Variants in ULK4 observed in about 807,000 individuals in gnomAD.
ULK4 encodes inactive serine/threonine-protein kinase ULK4.
In ULK4, 133 loss-of-function variants were observed where a neutral mutation model predicts 160.6. That is an observed-to-expected ratio of 0.83 (90% CI 0.72 to 0.96). The LOEUF (loss-of-function observed/expected upper bound fraction) is 0.96. Ranked by LOEUF, ULK4 falls within the 40% of genes least tolerant of loss-of-function variation. The probability of loss-of-function intolerance (pLI) is 0.00; values close to 1 mark genes in which losing one functional copy is unlikely to be tolerated. For missense variants in ULK4, 1,580 were observed against 1,499.5 expected (o/e 1.05, Z -0.89); for synonymous variants, 534 against 539.8 (o/e 0.99, Z 0.15).
chr3:41,511,897 C>G (rs1040805191), intron 32 of ULK4, among the ~76,000 whole-genome samples: 2 of 151,824 alleles, frequency 1.3e-5, no homozygotes, highest in Non-Finnish European at 2.9e-5. Context: ...AACAAAATAA[C>G]CAATCCAACA....
chr3:41,464,854 T>A (rs2083786938), intron 32 of ULK4, among the ~76,000 whole-genome samples: 2 of 152,196 alleles, frequency 1.3e-5, no homozygotes, highest in African/African-American at 4.8e-5. Context: ...ACATACTGCT[T>A]ACTTCAGAGT....
At chr3:41,596,580 A>G (rs1423521252) in intron 31 of ULK4, among the ~76,000 whole-genome samples, 1 of 152,190 alleles carries the variant, frequency 6.6e-6, no homozygotes, top group African/African-American at 2.4e-5. Flanking sequence ...AGGGTAAAGA[A>G]TTCCTGAGAG....
At chr3:41,392,383 A>T (rs2081976139) in intron 35 of ULK4, among the ~76,000 whole-genome samples, 1 of 152,136 alleles carries the variant, frequency 6.6e-6, no homozygotes, top group African/African-American at 2.4e-5. Context: ...TTTCTTTGTT[A>T]GTGAAAACTG....
chr3:41,959,294 G>A (rs979084609), intron 1 of ULK4, among the ~76,000 whole-genome samples: 4 of 151,632 alleles, frequency 2.6e-5, no homozygotes, highest in Non-Finnish European at 4.4e-5. Context: ...GACCCGGGAG[G>A]CGGAGGCTGC....
chr3:41,914,207 A>C (rs140568190), intron 8 of ULK4, among the ~76,000 whole-genome samples: 31 of 152,378 alleles, frequency 2.0e-4, no homozygotes, highest in Admixed American at 3.3e-4. Context: ...ACAAAAAAGA[A>C]AAGAATTTAT....
At chr3:41,566,562 GATTT>G (rs2087790814) in intron 31 of ULK4, among the ~76,000 whole-genome samples, 1 of 152,184 alleles carries the variant, frequency 6.6e-6, no homozygotes, top group Non-Finnish European at 1.5e-5. Flanking sequence ...CATTTGATCT[GATTT>G]ATTACTGCTT....
At chr3:41,664,185 T>C (rs984014348) in intron 29 of ULK4, among the ~76,000 whole-genome samples, 1 of 152,198 alleles carries the variant, frequency 6.6e-6, no homozygotes, top group East Asian at 1.9e-4. Context: ...ACAACTAGTA[T>C]TGAGCTAGGC....
At chr3:41,626,842 T>C (rs548513103) in intron 30 of ULK4, among the ~76,000 whole-genome samples, 2 of 152,160 alleles carry the variant, frequency 1.3e-5, no homozygotes, top group Non-Finnish European at 2.9e-5. Flanking sequence ...ACACTTGCTT[T>C]TGAGGTAAAG....
intron 17 of ULK4, among the ~76,000 whole-genome samples, chr3:41,862,373 C>CT (rs2125685186): frequency 1.3e-5 from 2 of 152,300 alleles, no homozygotes; most frequent in South Asian, 4.1e-4. Context: ...TCACCTATCT[C>CT]TGTTTCTCCA....
At chr3:41,510,431 G>A (rs1303595283) in intron 32 of ULK4, among the ~76,000 whole-genome samples, 1 of 152,150 alleles carries the variant, frequency 6.6e-6, no homozygotes. Context: ...CATCAAGACA[G>A]AAAGTCAACA....
At chr3:41,620,518 A>G (rs925354398) in intron 30 of ULK4, among the ~76,000 whole-genome samples, 14 of 152,240 alleles carry the variant, frequency 9.2e-5, no homozygotes, top group African/African-American at 3.4e-4. Context: ...ACAAAACCAC[A>G]TGATTATCTC....
intron 31 of ULK4, among the ~76,000 whole-genome samples, chr3:41,579,875 T>TTGC (rs2030130740): frequency 6.6e-6 from 1 of 152,154 alleles, no homozygotes; most frequent in Admixed American, 6.5e-5. Flanking sequence ...AGCAGCTCTG[T>TTGC]TGCTGCCCTT....
chr3:41,301,634 T>C (rs966845890), intron 35 of ULK4, among the ~76,000 whole-genome samples: 1 of 152,248 alleles, frequency 6.6e-6, no homozygotes, highest in Non-Finnish European at 1.5e-5. Flanking sequence ...GAAATGCATT[T>C]ACTTTAATGC....
Position 41,753,732 on chromosome 3 carries a change from G to A in ULK4, c.2321+629C>T, listed in dbSNP as rs2038703863. The stretch of plus-strand genomic sequence containing the variant: ...TATTGACTCCCAAAGGTACAAACAA[G>A]AAACATCTCAACACCCTGCTTTGGA... On this transcript the variant is annotated intron_variant, in intron 22 of 36. Coordinates refer to ENST00000301831, the MANE Select transcript of ULK4 (RefSeq NM_017886.4). Among the ~76,000 whole-genome samples the A allele has an allele frequency of 7.2e-5, 11 of 152,296 alleles. No homozygotes were observed. The South Asian group carries it at 2.3e-3, about 32-fold the overall frequency.
intron 31 of ULK4, among the ~76,000 whole-genome samples, chr3:41,570,286 G>A (rs897066294): frequency 6.6e-6 from 1 of 152,154 alleles, no homozygotes; most frequent in Admixed American, 6.5e-5. Flanking sequence ...ACGCTTAAGA[G>A]CACTTTTGCA....
intron 32 of ULK4, among the ~76,000 whole-genome samples, chr3:41,507,612 C>CAAAAAAA (rs71075473): frequency 1.3e-5 from 1 of 75,288 alleles, no homozygotes; most frequent in Non-Finnish European, 2.4e-5. Context: ...AAACCACCAC[C>CAAAAAAA]AAAAAAAAAA....
At chr3:41,383,948 T>TAATATTAA (rs2081736584) in intron 35 of ULK4, among the ~76,000 whole-genome samples, 1 of 152,224 alleles carries the variant, frequency 6.6e-6, no homozygotes, top group African/African-American at 2.4e-5. Context: ...AACCACTTTG[T>TAATATTAA]TCCATAAATA....
intron 27 of ULK4, among the ~76,000 whole-genome samples, chr3:41,703,157 G>A (rs1043773786): frequency 3.3e-5 from 5 of 151,966 alleles, no homozygotes; most frequent in South Asian, 4.1e-4. Context: ...CCGGGCCAAC[G>A]ACAAGATGTG....
At chr3:41,910,681 A>C (rs959524846) in intron 11 of ULK4, among the ~76,000 whole-genome samples, 1 of 152,216 alleles carries the variant, frequency 6.6e-6, no homozygotes, top group African/African-American at 2.4e-5. Context: ...TATTTATCCA[A>C]ATAAAGAAGC....
Sources: gnomAD v4.1 joint callset for allele counts (sites outside exome capture counted in the v4.1 genomes callset) on GRCh38, gnomAD v4.1.1 for gene constraint, MANE v1.5 for transcripts, NCBI Gene and HGNC (gene_info 2026-07-23, HGNC 2026-07-21) for gene names.